The following HIVEP1 variants were observed in gnomAD, a reference collection of about 807,000 sequenced individuals.
HIVEP1 encodes the protein HIVEP zinc finger 1.
A neutral mutation model predicts 180.0 loss-of-function variants in HIVEP1; 36 were observed. The observed-to-expected ratio is 0.20, with a 90% CI of 0.15 to 0.26. The LOEUF (loss-of-function observed/expected upper bound fraction) is 0.26, where lower values mean the gene tolerates loss of function less well. Among genes scored for constraint, HIVEP1 ranks in the 10% least tolerant of loss-of-function variants. The pLI is 1.00. For synonymous variants in HIVEP1, 1,239 were observed against 1,239.0 expected, an observed-to-expected ratio of 1.00 and a Z score of 0.00; for missense variants, 3,143 against 3,268.7, an observed-to-expected ratio of 0.96 and a Z score of 0.94.
chr6:12,058,241 T>G (rs1771000986), intron 2 of HIVEP1, among the ~76,000 whole-genome samples: 1 of 152,030 alleles, frequency 6.6e-6, no homozygotes, highest in South Asian at 2.1e-4. Flanking sequence ...AAAAAAAGTG[T>G]AAAATTTATA....
At chr6:12,067,738 T>A (rs775053158) in intron 2 of HIVEP1, among the ~76,000 whole-genome samples, 17 of 152,092 alleles carry the variant, frequency 1.1e-4, no homozygotes, top group Non-Finnish European at 1.0e-4. Flanking sequence ...CTCCATGGTC[T>A]GGTGAGGGGC....
chr6:12,119,596 T>G (rs1034218380), intron 3 of HIVEP1, among the ~76,000 whole-genome samples: 2 of 152,318 alleles, frequency 1.3e-5, no homozygotes, highest in East Asian at 3.9e-4. Flanking sequence ...AGGGGAAAGA[T>G]AATTCAGTTT....
At chr6:12,152,171 CAAAA>C (rs901163947) in intron 7 of HIVEP1, among the ~76,000 whole-genome samples, 4 of 151,842 alleles carry the variant, frequency 2.6e-5, no homozygotes, top group Admixed American at 2.0e-4. Flanking sequence ...CTCAAAAAAA[CAAAA>C]AAAGACAACA....
At chr6:12,094,353 G>C (rs1773664035) in intron 3 of HIVEP1, among the ~76,000 whole-genome samples, 1 of 151,934 alleles carries the variant, frequency 6.6e-6, no homozygotes, top group Non-Finnish European at 1.5e-5. Flanking sequence ...ATCTTGCTCA[G>C]TTGGCTCCAG....
chr6:12,064,172 T>C (rs1415842529), intron 2 of HIVEP1, among the ~76,000 whole-genome samples: 2 of 152,150 alleles, frequency 1.3e-5, no homozygotes, highest in African/African-American at 4.8e-5. Context: ...GTATTGTGAC[T>C]CAGTGTTTTT....
upstream of HIVEP1, chr6:12,012,180 G>T (rs1767375279): frequency 7.1e-6 from 1 of 141,218 alleles, no homozygotes; most frequent in Non-Finnish European, 1.6e-5. Flanking sequence ...TCATGCCGTG[G>T]CTCCGGGCGC....
upstream of HIVEP1, among the ~76,000 whole-genome samples, chr6:12,011,261 C>T (rs1229850187): frequency 6.6e-6 from 1 of 151,164 alleles, no homozygotes; most frequent in Non-Finnish European, 1.5e-5. Flanking sequence ...TGAGGAAACC[C>T]CCTTGGGGTC....
chr6:12,015,579 G>A lies in HIVEP1; in HGVS notation c.-50G>A. On this transcript the variant is annotated 5_prime_UTR_variant, in exon 2 of 9. Transcript: ENST00000379388. ...TTATGGAGCTGCCTTTTGGTGGCTT[G>A]CTTTATCTGCAGTTTTTAAGAAGAA... 6.5e-7 allele frequency: 1 copy of A among 1,530,862 alleles called. No homozygotes were observed. The highest frequency in any genetic ancestry group is 1.4e-5 in the African/African-American group (1 of 72,848). 94.8% of individuals were successfully genotyped at this position (1,530,862 alleles called of 1,614,324 possible). A position where few individuals can be genotyped will look rare whatever the true frequency, so the allele number is the denominator to read the frequency against.
intron 2 of HIVEP1, among the ~76,000 whole-genome samples, chr6:12,051,001 C>CATATATATATACATAT (rs1554135635): frequency 1.3e-5 from 1 of 77,600 alleles, no homozygotes; most frequent in Non-Finnish European, 2.6e-5. Context: ...TACACAAGTG[C>CATATATATATACATAT]ATATATATAT....
intron 7 of HIVEP1, among the ~76,000 whole-genome samples, chr6:12,153,437 A>C (rs1759822070): frequency 6.6e-6 from 1 of 152,120 alleles, no homozygotes; most frequent in African/African-American, 2.4e-5. Context: ...CAACTCCTTA[A>C]TTAGTCCTTG....
rs770405765 is a variant in HIVEP1 at position 12,163,642 on chromosome 6, A to G, written c.7338A>G (p.Thr2446=). 2.5e-6 allele frequency: 4 copies of G among 1,614,098 alleles called. No homozygotes were observed. The Admixed American group carries it at 6.7e-5, about 27-fold the overall frequency. Residue 2446 remains threonine (T), a synonymous_variant, in exon 9 of 9, where the codon ACA becomes ACG. Transcript: ENST00000379388. Reference sequence around the variant, plus strand: ...TGGGTACTCATAGGAATACGGTCACAGAAGTGTCTGGCACTACAAACCCTG... The same window carrying G: ...TGGGTACTCATAGGAATACGGTCACGGAAGTGTCTGGCACTACAAACCCTG... The part of the protein sequence containing the change: ...RTLGTHRNTV[T]EVSGTTNPAG...
At chr6:12,103,563 AT>A (rs551545045) in intron 3 of HIVEP1, among the ~76,000 whole-genome samples, 208 of 145,554 alleles carry the variant, frequency 1.4e-3, no homozygotes, top group Middle Eastern at 7.1e-3. Flanking sequence ...GAGACTTACT[AT>A]TTTTTTTTTT....
intron 3 of HIVEP1, among the ~76,000 whole-genome samples, chr6:12,091,325 T>C (rs1488528116): frequency 6.6e-6 from 1 of 152,168 alleles, no homozygotes; most frequent in Non-Finnish European, 1.5e-5. Flanking sequence ...TTTCACCCTG[T>C]AAGTTTAGCC....
intron 3 of HIVEP1, among the ~76,000 whole-genome samples, chr6:12,109,014 C>G (rs768497509): frequency 3.3e-5 from 5 of 152,196 alleles, no homozygotes; most frequent in Non-Finnish European, 7.3e-5. Flanking sequence ...GACTCTCGCT[C>G]TGTCGCCCAG....
At chr6:12,024,178 C>G (rs553739583) in intron 2 of HIVEP1, among the ~76,000 whole-genome samples, 1 of 150,884 alleles carries the variant, frequency 6.6e-6, no homozygotes, top group East Asian at 1.9e-4. Context: ...TCAAGTCATT[C>G]TTTGAGAAAG....
chr6:12,153,575 A>G (rs1358879885), intron 7 of HIVEP1, among the ~76,000 whole-genome samples: 32 of 3,618 alleles, frequency 8.8e-3, no homozygotes, highest in African/African-American at 0.012. Context: ...GAAATGCAAA[A>G]AAAAAAAAAA....
chr6:12,206,384 C>T, the HIVEP1 span, among the ~76,000 whole-genome samples: 1 of 152,304 alleles, frequency 6.6e-6, no homozygotes, highest in East Asian at 1.9e-4. Flanking sequence ...ATCCTCCCTC[C>T]TCAGCCTCTC....
intron 7 of HIVEP1, among the ~76,000 whole-genome samples, chr6:12,158,566 G>A (rs550474622): frequency 6.6e-6 from 1 of 152,220 alleles, no homozygotes; most frequent in Admixed American, 6.5e-5. Flanking sequence ...GGAGGATGGG[G>A]TGCTGTCTCT....
At chr6:12,168,344 C>CATATAT (rs1760811420), downstream of HIVEP1, among the ~76,000 whole-genome samples, 1 of 43,122 alleles carries the variant, frequency 2.3e-5, no homozygotes, top group Non-Finnish European at 5.3e-5. Context: ...ATTATATATA[C>CATATAT]ATGTATATGT....
Sources: allele counts gnomAD v4.1 joint callset (sites outside exome capture counted in the v4.1 genomes callset), GRCh38; gene constraint gnomAD v4.1.1; transcripts MANE v1.5; gene names NCBI Gene and HGNC (gene_info 2026-07-23, HGNC 2026-07-21).